The following IRAK2 variants were observed in gnomAD, a reference collection of about 807,000 sequenced individuals.
The protein encoded by IRAK2 is interleukin-1 receptor-associated kinase-like 2.
Under a neutral mutation model 72.0 loss-of-function variants are expected in IRAK2, and 57 were observed. That is an observed-to-expected ratio of 0.79 (90% CI 0.64 to 0.99). The LOEUF is 0.99. Ranked by LOEUF, IRAK2 falls within the 50% of genes least tolerant of loss-of-function variation. IRAK2 has a pLI of 0.00. For missense variants in IRAK2, 790 were observed against 794.4 expected (o/e 0.99, Z 0.07); for synonymous variants, 293 against 312.7 (o/e 0.94, Z 0.67).
chr3:10,215,286 C>G (rs1332853488), intron 6 of IRAK2, among the ~76,000 whole-genome samples: 1 of 149,584 alleles, frequency 6.7e-6, no homozygotes. Flanking sequence ...CCCAGCTACT[C>G]AGGAGGCTGA....
At chr3:10,183,980 T>A (rs575599101) in intron 2 of IRAK2, among the ~76,000 whole-genome samples, 32 of 152,298 alleles carry the variant, frequency 2.1e-4, no homozygotes, top group Admixed American at 1.2e-3. Flanking sequence ...TGCCCCGGGC[T>A]CAAGTGGCAG....
intron 10 of IRAK2, among the ~76,000 whole-genome samples, chr3:10,233,612 T>G (rs1436954591): frequency 6.6e-6 from 1 of 152,206 alleles, no homozygotes; most frequent in Non-Finnish European, 1.5e-5. Flanking sequence ...GTGGCTCTCC[T>G]GTTATGTATA....
intron 6 of IRAK2, among the ~76,000 whole-genome samples, chr3:10,215,412 A>AAATT (rs1187979618): frequency 6.9e-6 from 1 of 144,448 alleles, no homozygotes; most frequent in Admixed American, 7.0e-5. Context: ...AAAAAAAAAA[A>AAATT]AATTAATTAA....
chr3:10,224,032 C>T (rs1282012855), intron 9 of IRAK2, among the ~76,000 whole-genome samples: 2 of 152,170 alleles, frequency 1.3e-5, no homozygotes, highest in Non-Finnish European at 2.9e-5. Flanking sequence ...CAGGCTCCTT[C>T]TCCTTTAAGA....
At chr3:10,241,976 A>T (rs934358583) in intron 12 of IRAK2, 140 bp from the exon 13 acceptor site, 19 of 389,964 alleles carry the variant, frequency 4.9e-5, no homozygotes, top group African/African-American at 2.8e-4. Context: ...CTGTCTCGAT[A>T]AAAAAAAAAG....
At chr3:10,205,852 G>C (rs1697426524) in intron 3 of IRAK2, among the ~76,000 whole-genome samples, 1 of 152,246 alleles carries the variant, frequency 6.6e-6, no homozygotes. Flanking sequence ...AAAACTTGGA[G>C]ACCGGATGAA....
chr3:10,187,214 C>T (rs916519679), intron 2 of IRAK2, among the ~76,000 whole-genome samples: 7 of 147,798 alleles, frequency 4.7e-5, no homozygotes, highest in South Asian at 4.2e-4. Context: ...TACATTTCTT[C>T]CATAAGCTAT....
intron 7 of IRAK2, among the ~76,000 whole-genome samples, chr3:10,217,375 C>T (rs1222955836): frequency 1.3e-5 from 2 of 152,168 alleles, no homozygotes; most frequent in African/African-American, 4.8e-5. Flanking sequence ...TGACGAGAAG[C>T]ATTTCATTCA....
intron 1 of IRAK2, among the ~76,000 whole-genome samples, chr3:10,172,537 C>CAAAAA (rs71055803): frequency 1.4e-4 from 5 of 34,920 alleles, no homozygotes; most frequent in African/African-American, 6.1e-4. Flanking sequence ...AACTCCGACT[C>CAAAAA]AAAAAAAAAA....
In IRAK2 at chr3:10,171,905, A is replaced by G. The variant is rs546095467; in HGVS notation, c.95-5933A>G. On this transcript the variant is annotated intron_variant, in intron 1 of 12. Coordinates refer to ENST00000256458, the MANE Select transcript of IRAK2 (RefSeq NM_001570.4). ...CTCAGCCTCCAGAGTAGCTGGGACTACAGGCGCCCGCCACCACACTCTGCT... is the reference window on the plus strand; with the variant it reads ...CTCAGCCTCCAGAGTAGCTGGGACTGCAGGCGCCCGCCACCACACTCTGCT... Among the ~76,000 whole-genome samples the G allele has an allele frequency of 7.9e-5, 12 of 151,524 alleles. No individual in the cohort carries two copies. The South Asian group carries it at 2.3e-3, about 29-fold the overall frequency.
intron 10 of IRAK2, among the ~76,000 whole-genome samples, chr3:10,231,477 G>C (rs1440616414): frequency 6.6e-6 from 1 of 151,960 alleles, no homozygotes; most frequent in Non-Finnish European, 1.5e-5. Flanking sequence ...ATTTTTAATA[G>C]AGATGGGGTT....
At chr3:10,221,122 G>C (rs1386484665) in intron 8 of IRAK2, among the ~76,000 whole-genome samples, 9 of 151,472 alleles carry the variant, frequency 5.9e-5, no homozygotes, top group Non-Finnish European at 1.3e-4. Flanking sequence ...GCCGGGCGCG[G>C]TGGCTCACGC....
In IRAK2 at chr3:10,234,752, C is replaced by T; in HGVS notation, c.1473+93C>T. 4 of 1,117,730 alleles carry T rather than the reference C, an allele frequency of 3.6e-6. No individual in the cohort carries two copies. In the South Asian group the frequency reaches 5.5e-5, roughly 15 times the overall value. The allele number at this position is 1,117,730 out of a possible 1,614,324, so 69.2% of individuals were successfully genotyped here. ...CTTCGCAGAGGCCTGGTGCACAAAC[C>T]AGGGTTGTGCTTGCTTGCAAGCCGC... is the stretch of plus-strand genomic sequence containing the variant. On this transcript the variant is annotated intron_variant, in intron 11 of 12. Coordinates refer to ENST00000256458, the MANE Select transcript of IRAK2 (RefSeq NM_001570.4).
chr3:10,177,560 A>G (rs887523965), intron 1 of IRAK2, among the ~76,000 whole-genome samples: 2 of 152,196 alleles, frequency 1.3e-5, no homozygotes, highest in African/African-American at 2.4e-5. Context: ...GGGCGCAGTG[A>G]CTGCCCCAGG....
chr3:10,231,583 G>A (rs944782700), intron 10 of IRAK2, among the ~76,000 whole-genome samples: 4 of 151,304 alleles, frequency 2.6e-5, no homozygotes, highest in African/African-American at 7.3e-5. Context: ...GTGAGCCACC[G>A]TGCCCAGCCA....
rs545848211 is a variant in IRAK2, at chr3:10,227,453, A to G, written c.1272+1020A>G. Among the ~76,000 whole-genome samples, 14 of 152,252 alleles carry G rather than the reference A, an allele frequency of 9.2e-5. No homozygotes were observed. In the East Asian group the frequency reaches 2.7e-3, roughly 29 times the overall value. On this transcript the variant is annotated intron_variant, in intron 10 of 12. Coordinates refer to ENST00000256458, the MANE Select transcript of IRAK2 (RefSeq NM_001570.4). Reference sequence around the variant, plus strand: ...ACAGAGTGAGACCCTCTCTCAAAAAAGAATAAAAATATAACAACCTAGCCT... The same window carrying G: ...ACAGAGTGAGACCCTCTCTCAAAAAGGAATAAAAATATAACAACCTAGCCT...
intron 1 of IRAK2, among the ~76,000 whole-genome samples, chr3:10,173,313 G>T (rs1696825333): frequency 6.6e-6 from 1 of 152,190 alleles, no homozygotes; most frequent in Admixed American, 6.5e-5. Flanking sequence ...CATATCTGTA[G>T]AAAAAGTCTG....
At chr3:10,197,745 G>A (rs539285595) in intron 2 of IRAK2, among the ~76,000 whole-genome samples, 3 of 150,698 alleles carry the variant, frequency 2.0e-5, no homozygotes, top group South Asian at 2.1e-4. Flanking sequence ...CCAGCTACTC[G>A]GGAGGCTGAG....
chr3:10,165,648 A>G (rs1198505560), intron 1 of IRAK2, among the ~76,000 whole-genome samples: 4 of 148,070 alleles, frequency 2.7e-5, no homozygotes, highest in Admixed American at 2.0e-4. Flanking sequence ...GGCGCCCGCT[A>G]CCACCCTGGC....
Sources: allele counts gnomAD v4.1 joint callset (sites outside exome capture counted in the v4.1 genomes callset), GRCh38; gene constraint gnomAD v4.1.1; transcripts MANE v1.5; gene names NCBI Gene and HGNC (gene_info 2026-07-23, HGNC 2026-07-21).